Variants in PRKDC observed in about 807,000 individuals in gnomAD.
PRKDC encodes DNA-dependent protein kinase catalytic subunit.
Under a neutral mutation model 486.9 loss-of-function variants are expected in PRKDC, and 82 were observed. The observed-to-expected ratio is 0.17, with a 90% confidence interval of 0.14 to 0.20. PRKDC has a LOEUF of 0.20. Ranked by LOEUF, PRKDC falls within the 10% of genes least tolerant of loss-of-function variation. The pLI is 1.00. For synonymous variants in PRKDC, 1,895 were observed against 1,837.0 expected (o/e 1.03, Z -0.81); for missense variants, 4,504 against 5,038.2 (o/e 0.89, Z 3.21).
intron 68 of PRKDC, among the ~76,000 whole-genome samples, chr8:47,811,467 A>C (rs1353914025): frequency 6.6e-6 from 1 of 152,250 alleles, no homozygotes; most frequent in Admixed American, 6.5e-5. Context: ...GGGTCTTAGG[A>C]ATAAATGATG....
intron 40 of PRKDC, among the ~76,000 whole-genome samples, chr8:47,872,131 CG>C (rs1425080177): frequency 6.6e-6 from 1 of 151,884 alleles, no homozygotes; most frequent in African/African-American, 2.4e-5. Context: ...GTTTAAAAAG[CG>C]GAAGATGAGA....
At position 47,864,677 on chromosome 8, in the gene PRKDC, T is replaced by C. The variant is rs2088764526; in HGVS notation, c.5450A>G (p.Gln1817Arg). The C allele has an allele frequency of 2.5e-6, 4 of 1,608,554 alleles. No individual in the cohort carries two copies. Among genetic ancestry groups the C allele is most frequent in the Non-Finnish European group, 3.4e-6 (4 of 1,177,508 alleles). Reference sequence around the variant, plus strand: ...GAGGAGGGAGCGGTCCACAAAGGACTGGCGTGTGAAACTTAGGCGGGGGTC... The same window carrying C: ...GAGGAGGGAGCGGTCCACAAAGGACCGGCGTGTGAAACTTAGGCGGGGGTC... ...KDDPRLSFTRQSFVDRSLLTL... is the reference protein window; with the variant it reads ...KDDPRLSFTRRSFVDRSLLTL... Residue 1817 changes from glutamine (Q) to arginine (R), a missense_variant, in exon 41 of 86, where the codon CAG becomes CGG. Transcript: ENST00000314191.
At chr8:47,845,032 T>C (rs1037398239) in intron 54 of PRKDC, among the ~76,000 whole-genome samples, 15 of 152,120 alleles carry the variant, frequency 9.9e-5, no homozygotes, top group African/African-American at 3.4e-4. Context: ...CTGACCAACA[T>C]AGTGAAACCC....
chr8:47,936,248 T>C (rs2090349392), intron 12 of PRKDC, 105 bp downstream of exon 12: 3 of 1,280,320 alleles, frequency 2.3e-6, no homozygotes, highest in East Asian at 2.4e-5. Flanking sequence ...AACTGTCATG[T>C]TGTTCCCAAC....
intron 22 of PRKDC, among the ~76,000 whole-genome samples, chr8:47,917,699 C>A (rs1279026913): frequency 6.6e-6 from 1 of 152,078 alleles, no homozygotes; most frequent in Non-Finnish European, 1.5e-5. Flanking sequence ...TCTTACATAT[C>A]CCTGGTATCA....
intron 3 of PRKDC, 77 bp downstream of exon 3, chr8:47,957,094 A>C (rs959738937): frequency 2.4e-5 from 23 of 978,610 alleles, no homozygotes; most frequent in Non-Finnish European, 5.9e-6. Flanking sequence ...TTTAAAATAA[A>C]AATCCAAGTT....
chr8:47,839,176 C>T lies in PRKDC; in HGVS notation c.7525G>A (p.Gly2509Arg). ...FKLAKDVLIQ[G>R]LIDENPGLQL... is the part of the protein sequence containing the mutation. ...AGTCCAGGGTTCTCATCGATCAATCCTTGAATCAGCACATCTTTTGCCAAC... is the reference window on the plus strand; with the variant it reads ...AGTCCAGGGTTCTCATCGATCAATCTTTGAATCAGCACATCTTTTGCCAAC... The change falls in exon 56 of 86, where the codon GGA becomes AGA. Residue 2509 changes from glycine (G) to arginine (R), a missense_variant. Physicochemically the swap from Gly to Arg is moderately radical, Grantham distance 125 (BLOSUM62 -2). Transcript: ENST00000314191. The T allele has an allele frequency of 6.2e-7, 1 of 1,613,744 alleles. No individual in the cohort carries two copies. The highest frequency in any genetic ancestry group is 8.5e-7 in the Non-Finnish European group (1 of 1,179,704).
chr8:47,924,281 G>A (rs1485062131), intron 21 of PRKDC, among the ~76,000 whole-genome samples: 2 of 152,076 alleles, frequency 1.3e-5, no homozygotes, highest in African/African-American at 4.8e-5. Context: ...GTGTGGGTCT[G>A]GGCATGGTAG....
intron 26 of PRKDC, among the ~76,000 whole-genome samples, chr8:47,904,618 G>A (rs1022890021): frequency 6.6e-6 from 1 of 152,078 alleles, no homozygotes; most frequent in Non-Finnish European, 1.5e-5. Context: ...AAAGTGAAAC[G>A]CTGTCTCTGA....
intron 40 of PRKDC, among the ~76,000 whole-genome samples, chr8:47,868,051 C>T (rs941674326): frequency 5.3e-5 from 8 of 152,146 alleles, no homozygotes; most frequent in Admixed American, 1.3e-4. Context: ...TAGGTTATGG[C>T]GTATAATGTT....
Position 47,887,664 on chromosome 8 carries a change from G to T in PRKDC, c.4455C>A (p.Ser1485=), listed in dbSNP as rs906315600. ...CAGGGGCAATGCCTTTATAAACCAGGGAAAGAAGTTCTGTGCCAACAGAAT... is the reference window on the plus strand; with the variant it reads ...CAGGGGCAATGCCTTTATAAACCAGTGAAAGAAGTTCTGTGCCAACAGAAT... ...LHHSVGTELL[S]LVYKGIAPGD... The change falls in exon 35 of 86, where the codon TCC becomes TCA. Residue 1485 remains serine (S), a synonymous_variant. Coordinates refer to ENST00000314191, the MANE Select transcript of PRKDC (RefSeq NM_006904.7). The T allele has an allele frequency of 1.2e-6, 2 of 1,610,154 alleles. No homozygotes were observed. The highest frequency in any genetic ancestry group is 4.5e-5 in the East Asian group (2 of 44,822).
chr8:47,871,228 TAAG>T (rs1295895110), intron 40 of PRKDC, among the ~76,000 whole-genome samples: 2 of 152,056 alleles, frequency 1.3e-5, no homozygotes, highest in African/African-American at 4.8e-5. Context: ...TATTCAAGTA[TAAG>T]AAGGTTATAG....
chr8:47,849,717 C>A (rs2088359294), intron 52 of PRKDC, among the ~76,000 whole-genome samples: 1 of 152,212 alleles, frequency 6.6e-6, no homozygotes, highest in African/African-American at 2.4e-5. Flanking sequence ...AGTTCCTACA[C>A]CTCGGTGAGC....
intron 53 of PRKDC, 28 bp downstream of exon 53, chr8:47,849,351 C>G (rs1563765671): frequency 3.7e-6 from 6 of 1,613,804 alleles, no homozygotes; most frequent in Middle Eastern, 1.7e-4. Flanking sequence ...ACCCTCCTGC[C>G]CCGAAAGGAT....
At chr8:47,904,382 C>A (rs962648782) in intron 26 of PRKDC, among the ~76,000 whole-genome samples, 1 of 152,164 alleles carries the variant, frequency 6.6e-6, no homozygotes, top group Non-Finnish European at 1.5e-5. Context: ...AGCCACCTGG[C>A]GAGCTGGCAC....
chr8:47,854,788 C>T (rs1467130753), intron 50 of PRKDC, among the ~76,000 whole-genome samples: 1 of 152,212 alleles, frequency 6.6e-6, no homozygotes, highest in African/African-American at 2.4e-5. Context: ...ACCTCCTGTT[C>T]ACATCCAGGT....
chr8:47,919,164 G>C (rs562144295), intron 21 of PRKDC, among the ~76,000 whole-genome samples: 2 of 152,238 alleles, frequency 1.3e-5, no homozygotes, highest in African/African-American at 4.8e-5. Flanking sequence ...GCACCACTCC[G>C]AGTTCAGCAT....
intron 36 of PRKDC, among the ~76,000 whole-genome samples, chr8:47,884,449 G>A (rs1320900424): frequency 6.6e-6 from 1 of 152,116 alleles, no homozygotes; most frequent in Non-Finnish European, 1.5e-5. Context: ...TGTCACTCTT[G>A]GAAGTCCTTT....
chr8:47,779,576 A>C (rs2086664469), intron 80 of PRKDC, among the ~76,000 whole-genome samples: 1 of 152,084 alleles, frequency 6.6e-6, no homozygotes, highest in Non-Finnish European at 1.5e-5. Context: ...CTTTATTTAG[A>C]CCACTTCCAC....
Sources: gnomAD v4.1 joint callset for allele counts (sites outside exome capture counted in the v4.1 genomes callset) on GRCh38, gnomAD v4.1.1 for gene constraint, MANE v1.5 for transcripts, NCBI Gene and HGNC (gene_info 2026-07-23, HGNC 2026-07-21) for gene names.